The following IMMP2L variants were observed in gnomAD, a reference collection of about 807,000 sequenced individuals.
IMMP2L encodes the protein mitochondrial inner membrane protease subunit 2.
A neutral mutation model predicts 19.3 loss-of-function variants in IMMP2L; 18 were observed. The ratio of observed to expected loss-of-function variants is 0.93; its 90% CI spans 0.64 to 1.38. IMMP2L has a LOEUF of 1.38. IMMP2L is among the 40% of genes most tolerant of loss of function. The pLI is 0.00. For missense variants in IMMP2L, 233 were observed against 218.2 expected (o/e 1.07, Z -0.43); for synonymous variants, 76 against 73.0 (o/e 1.04, Z -0.21).
intron 4 of IMMP2L, among the ~76,000 whole-genome samples, chr7:110,931,899 G>A (rs746497800): frequency 6.6e-6 from 1 of 152,022 alleles, no homozygotes; most frequent in Non-Finnish European, 1.5e-5. Context: ...AGCACCTTAA[G>A]GTCCTGCTTT....
chr7:110,906,076 T>C (rs1427718842), intron 4 of IMMP2L, among the ~76,000 whole-genome samples: 1 of 152,188 alleles, frequency 6.6e-6, no homozygotes, highest in Non-Finnish European at 1.5e-5. Context: ...TTTTTACAAA[T>C]TTTTCCCCAG....
Position 110,760,693 on chromosome 7 carries a change from T to C in IMMP2L, c.409-96972A>G, listed in dbSNP as rs1422066545. 6.6e-6 allele frequency among the ~76,000 whole-genome samples: 1 copy of C among 152,158 alleles called. No homozygotes were observed. The highest frequency in any genetic ancestry group is 6.6e-5 in the Admixed American group (1 of 15,244). On this transcript the variant is annotated intron_variant, in intron 5 of 5. Coordinates refer to ENST00000405709, the MANE Select transcript of IMMP2L (RefSeq NM_032549.4). This position sits in a 1 kb window ranked among gnomAD's most constrained non-coding sequence, Gnocchi z 4.2. ...TTTTTGGTCTGTGCTTTCTTTTTGT[T>C]CTACAATATATTTATTTCAAAATCT...
chr7:110,663,912 T>C (rs1453879201), intron 5 of IMMP2L, among the ~76,000 whole-genome samples, 191 bp from the exon 6 acceptor site: 1 of 152,184 alleles, frequency 6.6e-6, no homozygotes, highest in Non-Finnish European at 1.5e-5. Context: ...TTATATAGCA[T>C]TTTTCTAGGT....
chr7:111,349,797 C>A (rs187987932), intron 3 of IMMP2L, among the ~76,000 whole-genome samples: 2 of 152,184 alleles, frequency 1.3e-5, no homozygotes, highest in African/African-American at 4.8e-5. Context: ...CCCAATCCAG[C>A]CTTCTAGCTT....
chr7:110,881,564 CA>C (rs1478517861), intron 5 of IMMP2L, among the ~76,000 whole-genome samples: 1 of 151,980 alleles, frequency 6.6e-6, no homozygotes, highest in Non-Finnish European at 1.5e-5. Flanking sequence ...ACCATTTTTT[CA>C]AAGAAAGTGT....
chr7:111,087,151 G>T (rs779552531), intron 3 of IMMP2L, among the ~76,000 whole-genome samples: 1 of 152,048 alleles, frequency 6.6e-6, no homozygotes, highest in Non-Finnish European at 1.5e-5. Flanking sequence ...CCAATTGAAG[G>T]TAAAAATATC....
intron 5 of IMMP2L, among the ~76,000 whole-genome samples, chr7:110,844,491 A>G (rs1805446151): frequency 6.6e-6 from 1 of 152,040 alleles, no homozygotes; most frequent in African/African-American, 2.4e-5. Context: ...CCCAGAAAAA[A>G]AGAAAACGGA....
chr7:111,299,573 GAAA>G (rs71147472), intron 3 of IMMP2L, among the ~76,000 whole-genome samples: 3,927 of 118,656 alleles, frequency 0.033, 154 homozygotes, highest in African/African-American at 0.11. Flanking sequence ...AGCTGAAGCA[GAAA>G]AAAAAAAAAA....
rs112587978 is a variant in IMMP2L at position 110,778,699 on chromosome 7, T to C, written c.408+107894A>G. ...AAAGAAATTACATTTTAAAATAAGG[T>C]AAGCAGAGGATAGAAACACAGGTGC... On this transcript the variant is annotated intron_variant, in intron 5 of 5. Coordinates refer to ENST00000405709, the MANE Select transcript of IMMP2L (RefSeq NM_032549.4). Among the ~76,000 whole-genome samples, 1,346 of 152,124 alleles carry C rather than the reference T, an allele frequency of 8.8e-3. 22 individuals carry two copies. Among genetic ancestry groups the C allele is most frequent in the African/African-American group, 0.03 (1,255 of 41,540 alleles).
intron 3 of IMMP2L, among the ~76,000 whole-genome samples, chr7:111,217,122 TCTCTCACACACACACA>T (rs1277041486): frequency 2.1e-5 from 3 of 140,396 alleles, no homozygotes; most frequent in African/African-American, 5.6e-5. Context: ...TCTCTCTCTC[TCTCTCACACACACACA>T]CACACACACA....
intron 3 of IMMP2L, among the ~76,000 whole-genome samples, chr7:111,052,893 G>T (rs192596445): frequency 3.9e-5 from 6 of 152,190 alleles, no homozygotes; most frequent in Non-Finnish European, 7.4e-5. Context: ...CTTCTTTGTT[G>T]GGTCATTCCC....
intron 3 of IMMP2L, among the ~76,000 whole-genome samples, chr7:111,053,325 G>A (rs952046447): frequency 6.6e-6 from 1 of 152,300 alleles, no homozygotes; most frequent in Middle Eastern, 3.4e-3. Context: ...GCGCTTGGGA[G>A]GGGAGCATGT....
rs771697915 is a variant in IMMP2L at position 111,495,061 on chromosome 7, TATGA to T, written c.136-7724_136-7721del. On this transcript the variant is annotated intron_variant, in intron 2 of 5. Transcript: ENST00000405709. ...AAAAAATTTAATATGCATAATTAGT[TATGA>T]ATACCTATAAAATACCTAAAGAATT... Among the ~76,000 whole-genome samples, 3 of 152,240 alleles carry T rather than the reference TATGA, an allele frequency of 2.0e-5. No homozygotes were observed. In the East Asian group the frequency reaches 5.8e-4, roughly 29 times the overall value.
intron 3 of IMMP2L, among the ~76,000 whole-genome samples, chr7:111,387,999 A>T (rs1045387376): frequency 1.3e-5 from 2 of 150,016 alleles, no homozygotes; most frequent in East Asian, 3.9e-4. Context: ...AAAAAAAAAA[A>T]CTAAAATACT....
chr7:111,337,303 T>G (rs905317315), intron 3 of IMMP2L, among the ~76,000 whole-genome samples: 2 of 152,156 alleles, frequency 1.3e-5, no homozygotes, highest in Non-Finnish European at 2.9e-5. Flanking sequence ...TTAAAGTTAT[T>G]TGAAGATATA....
chr7:111,373,258 C>T (rs766309189), intron 3 of IMMP2L, among the ~76,000 whole-genome samples: 41 of 151,802 alleles, frequency 2.7e-4, no homozygotes, highest in African/African-American at 7.2e-4. Flanking sequence ...AAAAAGAATT[C>T]GAGATGATCA....
intron 5 of IMMP2L, among the ~76,000 whole-genome samples, chr7:110,683,049 A>C (rs1792846270): frequency 6.6e-6 from 1 of 152,080 alleles, no homozygotes; most frequent in African/African-American, 2.4e-5. Flanking sequence ...AACAAAATAC[A>C]TCAGATAAGA....
At chr7:110,682,508 T>C (rs1345849211) in intron 5 of IMMP2L, among the ~76,000 whole-genome samples, 2 of 152,062 alleles carry the variant, frequency 1.3e-5, no homozygotes, top group African/African-American at 2.4e-5. Context: ...GGAGAAAATG[T>C]AGATTGGACA....
At chr7:111,440,439 C>A (rs968094524) in intron 3 of IMMP2L, among the ~76,000 whole-genome samples, 1 of 151,888 alleles carries the variant, frequency 6.6e-6, no homozygotes, top group Admixed American at 6.6e-5. Flanking sequence ...TCCATCAGAG[C>A]TCTTGGGTGA....
Sources: allele counts gnomAD v4.1 joint callset (sites outside exome capture counted in the v4.1 genomes callset), GRCh38; gene constraint gnomAD v4.1.1; non-coding constraint Gnocchi (gnomAD v3.1); transcripts MANE v1.5; gene names NCBI Gene and HGNC (gene_info 2026-07-23, HGNC 2026-07-21).